The following MALRD1 variants were observed in gnomAD, a reference collection of about 807,000 sequenced individuals.
The protein encoded by MALRD1 is MAM and LDL receptor class A domain containing 1.
A neutral mutation model predicts 242.1 loss-of-function variants in MALRD1; 247 were observed. That is an observed-to-expected ratio of 1.02 (90% CI 0.92 to 1.13). The LOEUF (loss-of-function observed/expected upper bound fraction) is 1.13, where lower values mean the gene tolerates loss of function less well. MALRD1 is among the 50% of genes most tolerant of loss of function. MALRD1 has a pLI of 0.00. For missense variants in MALRD1, 2,989 were observed against 2,533.1 expected (o/e 1.18, Z -3.86); for synonymous variants, 995 against 866.6 (o/e 1.15, Z -2.60).
At chr10:19,134,471 C>T (rs1240496080) in intron 9 of MALRD1, among the ~76,000 whole-genome samples, 1 of 152,182 alleles carries the variant, frequency 6.6e-6, no homozygotes, top group African/African-American at 2.4e-5. Context: ...GCCATTGTGG[C>T]TTTTGCCATT....
At chr10:19,162,321 A>C (rs1015296571) in intron 12 of MALRD1, among the ~76,000 whole-genome samples, 2 of 151,690 alleles carry the variant, frequency 1.3e-5, no homozygotes, top group African/African-American at 4.9e-5. Flanking sequence ...CTTTCTCTCT[A>C]TATATTTCTG....
chr10:19,378,644 G>T (rs1358513515), intron 26 of MALRD1, among the ~76,000 whole-genome samples: 1 of 152,002 alleles, frequency 6.6e-6, no homozygotes, highest in Non-Finnish European at 1.5e-5. Flanking sequence ...TATATTACTT[G>T]ATATTCAAGT....
intron 1 of MALRD1, among the ~76,000 whole-genome samples, chr10:19,064,159 C>A (rs908954728): frequency 6.6e-6 from 1 of 152,046 alleles, no homozygotes; most frequent in African/African-American, 2.4e-5. Flanking sequence ...AAATTGAAAA[C>A]AAAGTGATAC....
chr10:19,690,297 T>C (rs1376136830), intron 36 of MALRD1, among the ~76,000 whole-genome samples: 4 of 152,132 alleles, frequency 2.6e-5, no homozygotes, highest in Non-Finnish European at 4.4e-5. Flanking sequence ...ATGATATTAC[T>C]TTAATTTGTT....
intron 29 of MALRD1, among the ~76,000 whole-genome samples, chr10:19,470,040 G>A (rs1836418473): frequency 6.6e-6 from 1 of 151,834 alleles, no homozygotes; most frequent in Admixed American, 6.6e-5. Flanking sequence ...ATACAATATA[G>A]GGCAACTCCA....
At chr10:19,278,948 T>C (rs1036160116) in intron 19 of MALRD1, among the ~76,000 whole-genome samples, 1 of 152,162 alleles carries the variant, frequency 6.6e-6, no homozygotes, top group Non-Finnish European at 1.5e-5. Flanking sequence ...ATATTTACAC[T>C]CACCAGACTA....
At chr10:19,374,770 G>C (rs1845529036) in intron 26 of MALRD1, among the ~76,000 whole-genome samples, 1 of 152,136 alleles carries the variant, frequency 6.6e-6, no homozygotes, top group Non-Finnish European at 1.5e-5. Context: ...TGGCCAACAG[G>C]TGCATGCCAG....
At chr10:19,196,504 C>T (rs1836256343) in intron 14 of MALRD1, among the ~76,000 whole-genome samples, 2 of 150,610 alleles carry the variant, frequency 1.3e-5, no homozygotes, top group Non-Finnish European at 2.9e-5. Flanking sequence ...TTAAACTTGA[C>T]TTGGCTCTCA....
At chr10:19,153,280 G>C (rs1043410527) in intron 11 of MALRD1, among the ~76,000 whole-genome samples, 3 of 152,242 alleles carry the variant, frequency 2.0e-5, no homozygotes, top group Admixed American at 1.3e-4. Context: ...TTGCTCTCTA[G>C]AGTTTTAAAT....
chr10:19,677,999 G>T (rs558367101), intron 36 of MALRD1, among the ~76,000 whole-genome samples: 10 of 152,078 alleles, frequency 6.6e-5, no homozygotes, highest in Non-Finnish European at 1.5e-4. Flanking sequence ...TCTTACTTCT[G>T]AGTTCTAGAT....
chr10:19,188,696 T>A (rs1310529476), intron 14 of MALRD1, among the ~76,000 whole-genome samples: 2 of 152,188 alleles, frequency 1.3e-5, no homozygotes, highest in Non-Finnish European at 2.9e-5. Context: ...CAGCTGTTAT[T>A]GTCAGTTCAG....
chr10:19,642,632 TAGAA>T (rs1323219400), intron 36 of MALRD1, among the ~76,000 whole-genome samples: 2 of 152,116 alleles, frequency 1.3e-5, no homozygotes, highest in Non-Finnish European at 2.9e-5. Context: ...AGGAACAAAT[TAGAA>T]AGATCTGAAA....
At chr10:19,658,691 A>C (rs542284762) in intron 36 of MALRD1, among the ~76,000 whole-genome samples, 40 of 152,270 alleles carry the variant, frequency 2.6e-4, no homozygotes, top group African/African-American at 9.1e-4. Flanking sequence ...CTTGAACAAG[A>C]AGAACAATTA....
chr10:19,482,998 C>T (rs950984197), intron 29 of MALRD1, among the ~76,000 whole-genome samples: 4 of 151,830 alleles, frequency 2.6e-5, no homozygotes, highest in Non-Finnish European at 4.4e-5. Context: ...TAATCCTGAG[C>T]ACAAAGAACA....
chr10:19,729,721 C>CTTTTTTTTTTTT lies in MALRD1; in HGVS notation c.6315-963_6315-952dup, dbSNP rs35279728. On this transcript the variant is annotated intron_variant, in intron 38 of 39. Transcript: ENST00000454679. ...GTGTCTTCTAATAAGTCTATTAATT[C>CTTTTTTTTTTTT]TTTTTTTTTTTTTTTTTTTTTTTTT... Among the ~76,000 whole-genome samples, 16 of 40,700 alleles carry CTTTTTTTTTTTT rather than the reference C, an allele frequency of 3.9e-4. 6 individuals are homozygous for CTTTTTTTTTTTT. The highest frequency in any genetic ancestry group is 5.0e-4 in the Non-Finnish European group (12 of 24,086). The allele number at this position is 40,700 out of a possible 152,430, so 26.7% of individuals were successfully genotyped here. A position where few individuals can be genotyped will look rare whatever the true frequency, so the allele number is the denominator to read the frequency against.
Position 19,612,636 on chromosome 10 carries a change from T to C in MALRD1, c.6071-3221T>C, listed in dbSNP as rs532087118. Among the ~76,000 whole-genome samples, 179 of 152,060 alleles carry C rather than the reference T, an allele frequency of 1.2e-3. 1 individual carries two copies. Among genetic ancestry groups the C allele is most frequent in the South Asian group, 6.4e-3 (31 of 4,820 alleles). On this transcript the variant is annotated intron_variant, in intron 35 of 39. Coordinates refer to ENST00000454679, the MANE Select transcript of MALRD1 (RefSeq NM_001142308.3). ...AGTTTATTTAAAAAAAAAATAGGTT[T>C]CATTGGCTCATGGTTCTGCAGGTTA...
intron 2 of MALRD1, among the ~76,000 whole-genome samples, chr10:19,073,667 G>A (rs148825469): frequency 1.1e-3 from 165 of 152,222 alleles, no homozygotes; most frequent in African/African-American, 3.3e-3. Flanking sequence ...CATCTCTAAT[G>A]CATGTGCAAA....
At position 19,529,546 on chromosome 10, in the gene MALRD1, A is replaced by G. The variant is rs111598262; in HGVS notation, c.5321-1648A>G. Reference sequence around the variant, plus strand: ...ACCAGAGAAGACAGAAAAAAACAGGAGGGGGGGGGAGAAAACAAAGATTAA... The same window carrying G: ...ACCAGAGAAGACAGAAAAAAACAGGGGGGGGGGGGAGAAAACAAAGATTAA... On this transcript the variant is annotated intron_variant, in intron 31 of 39. Coordinates refer to ENST00000454679, the MANE Select transcript of MALRD1 (RefSeq NM_001142308.3). Among the ~76,000 whole-genome samples the G allele has an allele frequency of 6.3e-3, 810 of 128,578 alleles. 7 individuals carry two copies. The highest frequency in any genetic ancestry group is 0.022 in the African/African-American group (644 of 29,488). The allele number at this position is 128,578 out of a possible 152,430, so 84.4% of individuals were successfully genotyped here. A position where few individuals can be genotyped will look rare whatever the true frequency, so the allele number is the denominator to read the frequency against.
intron 28 of MALRD1, among the ~76,000 whole-genome samples, chr10:19,433,163 C>T (rs1834213286): frequency 6.6e-6 from 1 of 152,100 alleles, no homozygotes; most frequent in Admixed American, 6.5e-5. Context: ...CCAGGGAAAA[C>T]TGTATATAAG....
Sources: gnomAD v4.1 joint callset for allele counts (sites outside exome capture counted in the v4.1 genomes callset) on GRCh38, gnomAD v4.1.1 for gene constraint, MANE v1.5 for transcripts, NCBI Gene and HGNC (gene_info 2026-07-23, HGNC 2026-07-21) for gene names.